Variants in GAREM2 observed in about 807,000 individuals in gnomAD.
The protein encoded by GAREM2 is GRB2-associated and regulator of MAPK protein 2.
GAREM2 carries 30 observed loss-of-function variants against 55.6 expected under a neutral mutation model. The ratio of observed to expected loss-of-function variants is 0.54; its 90% CI spans 0.40 to 0.73. The LOEUF (loss-of-function observed/expected upper bound fraction) is 0.73. Ranked by LOEUF, GAREM2 falls within the 30% of genes least tolerant of loss-of-function variation. GAREM2 has a pLI of 0.00. For synonymous variants in GAREM2, 550 were observed against 569.1 expected, an observed-to-expected ratio of 0.97 and a Z score of 0.48; for missense variants, 1,075 against 1,257.7, an observed-to-expected ratio of 0.85 and a Z score of 2.20.
chr2:26,190,981 A>C, downstream of GAREM2: 1 of 553,788 alleles, frequency 1.8e-6, no homozygotes, highest in Non-Finnish European at 3.2e-6. Context: ...AGGTGGCTTC[A>C]GATGGCTCTT....
In GAREM2 at chr2:26,187,492, C is replaced by G. The variant is rs907062553; in HGVS notation, c.1860C>G (p.Pro620=). 1.3e-5 allele frequency: 20 copies of G among 1,546,298 alleles called. No homozygotes were observed. Among genetic ancestry groups the G allele is most frequent in the African/African-American group, 2.7e-5 (2 of 72,858 alleles). ...SCPPLFKPSH[P]QKRFAPFGAL... ...CTCCTCTATTCAAGCCCTCACATCC[C>G]CAGAAGCGCTTTGCTCCGTTTGGAG... Residue 620 remains proline, a synonymous_variant, in exon 6 of 6, where the codon CCC becomes CCG. Coordinates refer to ENST00000401533, the MANE Select transcript of GAREM2 (RefSeq NM_001168241.2).
At chr2:26,203,007 G>A in the GAREM2 span, among the ~76,000 whole-genome samples, 1 of 152,244 alleles carries the variant, frequency 6.6e-6, no homozygotes, top group South Asian at 2.1e-4. Flanking sequence ...GAGACTGGGG[G>A]AGGAAACTAT....
rs1388614529 is a variant in GAREM2, at chr2:26,187,503, T to A, written c.1871T>A (p.Phe624Tyr). The A allele has an allele frequency of 2.6e-6, 4 of 1,543,824 alleles. No individual in the cohort carries two copies. The East Asian group carries it at 7.4e-5, about 28-fold the overall frequency. ...AAGCCCTCACATCCCCAGAAGCGCTTTGCTCCGTTTGGAGCTCTCAACCCT... is the reference window on the plus strand; with the variant it reads ...AAGCCCTCACATCCCCAGAAGCGCTATGCTCCGTTTGGAGCTCTCAACCCT... ...LFKPSHPQKR[F>Y]APFGALNPFS... Residue 624 changes from phenylalanine to tyrosine, a missense_variant, in exon 6 of 6, where the codon TTT becomes TAT. Coordinates refer to ENST00000401533, the MANE Select transcript of GAREM2 (RefSeq NM_001168241.2).
At position 26,185,304 on chromosome 2, in the gene GAREM2, C is replaced by T. The variant is rs945721349; in HGVS notation, c.1428+28C>T. ...GAGTGAGCGCGCTGGGGGCCGAGTCCCGGGTCCAGCCAGGGCCCAAAGCCC... is the reference window on the plus strand; with the variant it reads ...GAGTGAGCGCGCTGGGGGCCGAGTCTCGGGTCCAGCCAGGGCCCAAAGCCC... On this transcript the variant is annotated intron_variant, in intron 4 of 5. Coordinates refer to ENST00000401533, the MANE Select transcript of GAREM2 (RefSeq NM_001168241.2). 4.6e-5 allele frequency: 68 copies of T among 1,483,322 alleles called. No individual in the cohort carries two copies. The African/African-American group carries it at 9.6e-4, about 21-fold the overall frequency. 91.9% of individuals were successfully genotyped at this position (1,483,322 alleles called of 1,614,324 possible).
chr2:26,176,203 C>A, intron 1 of GAREM2, 141 bp from the exon 2 acceptor site: 1 of 770,908 alleles, frequency 1.3e-6, no homozygotes, highest in Non-Finnish European at 1.9e-6. Context: ...GTCCCTTGAG[C>A]TTTGCTGACC....
chr2:26,190,115 G>A (rs1406586634), downstream of GAREM2, among the ~76,000 whole-genome samples: 4 of 152,216 alleles, frequency 2.6e-5, no homozygotes, highest in African/African-American at 9.6e-5. Context: ...TTTAGAGTCT[G>A]GCTTCCTAGT....
At chr2:26,201,165 A>G in the GAREM2 span, 1 of 1,613,342 alleles carries the variant, frequency 6.2e-7, no homozygotes, top group Non-Finnish European at 8.5e-7. Flanking sequence ...TACTTCCTTT[A>G]GCACTCTGTG....
rs1256158324 is a variant in GAREM2 at position 26,184,808 on chromosome 2, C to G, written c.960C>G (p.Asp320Glu). The change falls in exon 4 of 6, where the codon GAC becomes GAG. Residue 320 changes from aspartate to glutamate, a missense_variant. This residue lies in a region of GAREM2 where 170 missense variants were observed against 220.7 expected (regional missense o/e 0.77). Transcript: ENST00000401533. ...CGCTGCACTTCCTGCTGCTCACGGA[C>G]ACGCCGCGCTTCGCGCTGCCGCAGG... ...PAPLHFLLLT[D>E]TPRFALPQGL... The G allele has an allele frequency of 1.1e-5, 16 of 1,491,410 alleles. No homozygotes were observed. The highest frequency in any genetic ancestry group is 1.5e-5 in the African/African-American group (1 of 68,630). The allele number at this position is 1,491,410 out of a possible 1,614,324, so 92.4% of individuals were successfully genotyped here.
chr2:26,191,749 G>A (rs890316065), downstream of GAREM2: 2 of 982,442 alleles, frequency 2.0e-6, no homozygotes, highest in Non-Finnish European at 3.3e-6. Flanking sequence ...GGTTGGTGCT[G>A]GCCCTCAGAG....
At chr2:26,190,807 A>C (rs796315759), downstream of GAREM2, 3 of 273,470 alleles carry the variant, frequency 1.1e-5, no homozygotes, top group Non-Finnish European at 2.1e-5. Context: ...TACTCCCCCA[A>C]AGCACAGGGC....
At chr2:26,183,720 TCAAACAAA>T (rs112073035) in intron 3 of GAREM2, among the ~76,000 whole-genome samples, 65 of 151,206 alleles carry the variant, frequency 4.3e-4, no homozygotes, top group Middle Eastern at 3.4e-3. Flanking sequence ...AGACCCTGTC[TCAAACAAA>T]CAAACAAACA....
rs564228432 is a variant in GAREM2 at position 26,185,099 on chromosome 2, G to T, written c.1251G>T (p.Ala417=). ...QEYVSPDWAA[A]PEPAAPPAEI... is the part of the protein sequence containing the mutation. The stretch of plus-strand genomic sequence containing the variant: ...ACGTGAGCCCCGACTGGGCAGCCGC[G>T]CCCGAGCCCGCCGCGCCGCCCGCCG... The change falls in exon 4 of 6, where the codon GCG becomes GCT. Residue 417 remains alanine, a synonymous_variant. Coordinates refer to ENST00000401533, the MANE Select transcript of GAREM2 (RefSeq NM_001168241.2). 3 of 1,432,626 alleles carry T rather than the reference G, an allele frequency of 2.1e-6. No homozygotes were observed. Among genetic ancestry groups the T allele is most frequent in the African/African-American group, 1.5e-5 (1 of 66,710 alleles). The allele number at this position is 1,432,626 out of a possible 1,614,324, so 88.7% of individuals were successfully genotyped here. A position where few individuals can be genotyped will look rare whatever the true frequency, so the allele number is the denominator to read the frequency against.
chr2:26,187,689 C>T lies in GAREM2; in HGVS notation c.2057C>T (p.Ser686Phe), dbSNP rs1669329069. The change falls in exon 6 of 6, where the codon TCC becomes TTC. Residue 686 changes from serine (S) to phenylalanine (F), a missense_variant. By Grantham distance (155) the Ser-to-Phe change is radical. Around this residue, in one of 6 missense-constraint regions of GAREM2, gnomAD observed 515 missense variants for 501.5 expected, o/e 1.03. Coordinates refer to ENST00000401533, the MANE Select transcript of GAREM2 (RefSeq NM_001168241.2). ...GCTCCCCCCTCCTCCTGCGCCCCCT[C>T]CTCCTCCTCTTCTTCTGAATGGCAG... ...SAAPPSSCAP[S>F]SSSSSEWQEP... is the part of the protein sequence containing the mutation. The T allele has an allele frequency of 6.7e-7, 1 of 1,499,576 alleles. No homozygotes were observed. Among genetic ancestry groups the T allele is most frequent in the East Asian group, 2.5e-5 (1 of 40,342 alleles). 92.9% of individuals were successfully genotyped at this position (1,499,576 alleles called of 1,614,324 possible).
chr2:26,199,642 T>C, the GAREM2 span, among the ~76,000 whole-genome samples: 207 of 152,316 alleles, frequency 1.4e-3, 6 homozygotes, highest in African/African-American at 4.7e-3. Context: ...ATCAACACAA[T>C]GCAGCAGAAG....
chr2:26,182,359 G>A, intron 2 of GAREM2: 1 of 1,526,250 alleles, frequency 6.6e-7, no homozygotes, highest in Non-Finnish European at 8.8e-7. Flanking sequence ...TTGGACCAGG[G>A]CAGGGTGTGG....
intron 2 of GAREM2, among the ~76,000 whole-genome samples, chr2:26,180,288 C>T (rs1669003064): frequency 6.6e-6 from 1 of 152,188 alleles, no homozygotes; most frequent in African/African-American, 2.4e-5. Context: ...TAGGGGTCTC[C>T]AGGAACCCCC....
chr2:26,193,491 G>T, downstream of GAREM2: 1 of 1,127,154 alleles, frequency 8.9e-7, no homozygotes, highest in Non-Finnish European at 1.4e-6. Context: ...TTTCTTCCAC[G>T]AGGGCTTCTG....
chr2:26,184,466 C>T lies in GAREM2; in HGVS notation c.618C>T (p.Ala206=). ...CGGGAGGCACTGGCGGCGGGGGCGC[C>T]AGGCCGGTCAAAGGCAAGATGCCCT... is the stretch of plus-strand genomic sequence containing the variant. ...GAAGGTGGGG[A]RPVKGKMPCL... is the part of the protein sequence containing the mutation. The change falls in exon 4 of 6, where the codon GCC becomes GCT. Residue 206 remains alanine (A), a synonymous_variant. Coordinates refer to ENST00000401533, the MANE Select transcript of GAREM2 (RefSeq NM_001168241.2). 6 of 1,506,376 alleles carry T rather than the reference C, an allele frequency of 4.0e-6. No individual in the cohort carries two copies. The highest frequency in any genetic ancestry group is 1.4e-5 in the African/African-American group (1 of 68,996). The allele number at this position is 1,506,376 out of a possible 1,614,324, so 93.3% of individuals were successfully genotyped here.
chr2:26,204,244 TTCAG>T, the GAREM2 span: 5 of 1,587,078 alleles, frequency 3.2e-6, no homozygotes, highest in South Asian at 3.3e-5. Context: ...TCTTAATCAT[TTCAG>T]TCAAAGTGGA....
Sources: allele counts gnomAD v4.1 joint callset (sites outside exome capture counted in the v4.1 genomes callset), GRCh38; gene constraint gnomAD v4.1.1; regional missense constraint gnomAD v4.1.1; transcripts MANE v1.5; gene names NCBI Gene and HGNC (gene_info 2026-07-23, HGNC 2026-07-21).